KIAA1549L: variants seen among roughly 807,000 people sequenced by gnomAD.
The protein encoded by KIAA1549L is UPF0606 protein KIAA1549L.
KIAA1549L carries 88 observed loss-of-function variants against 160.7 expected under a neutral mutation model. That is an observed-to-expected ratio of 0.55 (90% confidence interval 0.46 to 0.65). The LOEUF (loss-of-function observed/expected upper bound fraction) is 0.65, where lower values mean the gene tolerates loss of function less well. Among genes scored for constraint, KIAA1549L ranks in the 30% least tolerant of loss-of-function variants. KIAA1549L has a pLI of 0.00. For missense variants in KIAA1549L, 2,258 were observed against 2,437.5 expected (o/e 0.93, Z 1.55); for synonymous variants, 950 against 976.7 (o/e 0.97, Z 0.51).
chr11:33,455,135 C>T (rs116487632), intron 1 of KIAA1549L, among the ~76,000 whole-genome samples: 2,333 of 152,184 alleles, frequency 0.015, 49 homozygotes, highest in African/African-American at 0.053. Flanking sequence ...ACAAAAAAAC[C>T]GTTTAGCAAA....
chr11:33,439,993 A>C (rs1851462865), intron 1 of KIAA1549L, among the ~76,000 whole-genome samples: 2 of 152,102 alleles, frequency 1.3e-5, no homozygotes, highest in Non-Finnish European at 2.9e-5. Context: ...GATTATCATT[A>C]CGAAAATATT....
intron 20 of KIAA1549L, among the ~76,000 whole-genome samples, chr11:33,663,089 G>A (rs929478502): frequency 2.0e-5 from 3 of 152,330 alleles, no homozygotes; most frequent in Admixed American, 1.3e-4. Flanking sequence ...AAGTGCAGGA[G>A]GCTCAGAGAG....
chr11:33,580,945 C>T (rs1855621495), intron 10 of KIAA1549L, among the ~76,000 whole-genome samples: 1 of 152,110 alleles, frequency 6.6e-6, no homozygotes, highest in Non-Finnish European at 1.5e-5. Flanking sequence ...GGAAGTAACC[C>T]TTGAGTGACC....
At chr11:33,472,170 C>T (rs779043156) in intron 1 of KIAA1549L, among the ~76,000 whole-genome samples, 4 of 151,194 alleles carry the variant, frequency 2.6e-5, no homozygotes, top group Non-Finnish European at 5.9e-5. Flanking sequence ...GACCTTGCTG[C>T]GTTACCTAGA....
At chr11:33,614,464 T>C (rs1184699873) in intron 15 of KIAA1549L, among the ~76,000 whole-genome samples, 1 of 133,744 alleles carries the variant, frequency 7.5e-6, no homozygotes, top group Non-Finnish European at 1.6e-5. Context: ...AAGTATTCAA[T>C]CAAAATTAGT....
chr11:33,624,972 T>C (rs147194849), intron 16 of KIAA1549L, among the ~76,000 whole-genome samples: 2,705 of 145,118 alleles, frequency 0.019, 95 homozygotes, highest in African/African-American at 0.063. Context: ...TGTGTTCTCA[T>C]TGTTCAATTC....
intron 1 of KIAA1549L, among the ~76,000 whole-genome samples, chr11:33,470,603 G>T (rs1590269179): frequency 6.6e-6 from 1 of 151,854 alleles, no homozygotes; most frequent in East Asian, 1.9e-4. Flanking sequence ...TAATATTTTT[G>T]TGTGTGTTTG....
At chr11:33,449,080 A>G (rs998380957) in intron 1 of KIAA1549L, among the ~76,000 whole-genome samples, 29 of 152,222 alleles carry the variant, frequency 1.9e-4, no homozygotes, top group African/African-American at 7.0e-4. Context: ...TGGAATAAAA[A>G]GTTAACAGTG....
intron 13 of KIAA1549L, among the ~76,000 whole-genome samples, chr11:33,603,668 G>T (rs539575232): frequency 6.6e-6 from 1 of 152,054 alleles, no homozygotes; most frequent in Non-Finnish European, 1.5e-5. Flanking sequence ...TTAGCTGGGC[G>T]TGGTGGCGGG....
Position 33,545,023 on chromosome 11 carries a change from C to T in KIAA1549L, c.3030C>T (p.Tyr1010=). ...CAGCCTTCCCATTCACACCAACCTA[C>T]ATGTATGCAAGAACAGGACATACCA... The part of the protein sequence containing the change: ...VHTAFPFTPT[Y]MYARTGHTTS... The change falls in exon 3 of 21, where the codon TAC becomes TAT. Residue 1010 remains tyrosine (Y), a synonymous_variant. Coordinates refer to ENST00000658780, the MANE Select transcript of KIAA1549L (RefSeq NM_012194.3). 1 of 1,614,028 alleles carries T rather than the reference C, an allele frequency of 6.2e-7. No individual in the cohort carries two copies.
At chr11:33,499,387 A>AGTTT (rs1320393530) in intron 1 of KIAA1549L, among the ~76,000 whole-genome samples, 1 of 152,148 alleles carries the variant, frequency 6.6e-6, no homozygotes, top group Non-Finnish European at 1.5e-5. Flanking sequence ...GGTTGCTTAT[A>AGTTT]GTTTATTTAT....
chr11:33,403,538 G>GCACAGACA (rs377154375), intron 1 of KIAA1549L: 4,815 of 140,368 alleles, frequency 0.034, 151 homozygotes, highest in African/African-American at 0.097. Flanking sequence ...ACACACACAC[G>GCACAGACA]CACAGACACA....
intron 1 of KIAA1549L, among the ~76,000 whole-genome samples, chr11:33,397,061 G>T (rs114867982): frequency 0.028 from 4,196 of 151,740 alleles, 173 homozygotes; most frequent in African/African-American, 0.096. Context: ...GGTTGGGCGC[G>T]GTAGCTCACG....
intron 8 of KIAA1549L, among the ~76,000 whole-genome samples, chr11:33,567,715 G>A (rs1480256394): frequency 6.6e-6 from 1 of 152,198 alleles, no homozygotes; most frequent in Non-Finnish European, 1.5e-5. Context: ...TAGCAACACA[G>A]ATCATCATCT....
chr11:33,457,255 C>T (rs1202280205), intron 1 of KIAA1549L, among the ~76,000 whole-genome samples: 1 of 152,206 alleles, frequency 6.6e-6, no homozygotes, highest in African/African-American at 2.4e-5. Flanking sequence ...CTTCCCCTCT[C>T]TTAAAGAGCT....
chr11:33,664,910 G>GT (rs1461692654), intron 20 of KIAA1549L, among the ~76,000 whole-genome samples: 1 of 152,222 alleles, frequency 6.6e-6, no homozygotes. Context: ...GGAACAGGCT[G>GT]TATTTCTCAG....
intron 1 of KIAA1549L, among the ~76,000 whole-genome samples, chr11:33,384,153 C>T (rs1850127409): frequency 6.6e-6 from 1 of 152,190 alleles, no homozygotes; most frequent in South Asian, 2.1e-4. Context: ...CACACCCAGT[C>T]CCTGGAAACT....
chr11:33,426,507 G>A (rs999628346), intron 1 of KIAA1549L, among the ~76,000 whole-genome samples: 5 of 152,154 alleles, frequency 3.3e-5, no homozygotes, highest in African/African-American at 7.2e-5. Flanking sequence ...CCCTCCTGGT[G>A]CACAGGTGGT....
intron 1 of KIAA1549L, among the ~76,000 whole-genome samples, chr11:33,530,428 AAAAAAAAAATATATATATATATATATAT>A (rs1381133672): frequency 0.019 from 400 of 20,550 alleles, 32 homozygotes; most frequent in African/African-American, 0.051. Context: ...AAAAAAAAAA[AAAAAAAAAATATATATATATATATATAT>A]ATATATATAT....
Sources: gnomAD v4.1 joint callset for allele counts (sites outside exome capture counted in the v4.1 genomes callset) on GRCh38, gnomAD v4.1.1 for gene constraint, MANE v1.5 for transcripts, NCBI Gene and HGNC (gene_info 2026-07-23, HGNC 2026-07-21) for gene names.